The following CDH13 variants were observed in gnomAD, a reference collection of about 807,000 sequenced individuals.
The protein encoded by CDH13 is cadherin 13.
A neutral mutation model predicts 63.8 loss-of-function variants in CDH13; 24 were observed. The observed-to-expected ratio is 0.38, with a 90% CI of 0.27 to 0.53. The LOEUF (loss-of-function observed/expected upper bound fraction) is 0.53. Ranked by LOEUF, CDH13 falls within the 20% of genes least tolerant of loss-of-function variation. The pLI is 0.85. For missense variants in CDH13, 1,049 were observed against 903.1 expected (o/e 1.16, Z -2.07); for synonymous variants, 503 against 355.3 (o/e 1.42, Z -4.67).
At chr16:82,793,044 CT>C (rs1253662309) in intron 1 of CDH13, among the ~76,000 whole-genome samples, 2 of 152,224 alleles carry the variant, frequency 1.3e-5, no homozygotes, top group Non-Finnish European at 2.9e-5. Context: ...CAGTCTGCCC[CT>C]GATGGAGTTA....
chr16:83,502,983 T>C (rs989106965), intron 7 of CDH13, among the ~76,000 whole-genome samples: 3 of 152,208 alleles, frequency 2.0e-5, no homozygotes, highest in Admixed American at 6.5e-5. Context: ...TGGCCTTCCA[T>C]TGGCCCTCAC....
intron 11 of CDH13, among the ~76,000 whole-genome samples, chr16:83,752,154 T>G (rs10514597): frequency 0.023 from 3,533 of 152,328 alleles, 92 homozygotes; most frequent in East Asian, 0.14. Flanking sequence ...TATCTGTATC[T>G]GTGGAGAAAT....
At chr16:83,394,655 C>T (rs529248180) in intron 6 of CDH13, among the ~76,000 whole-genome samples, 2 of 152,280 alleles carry the variant, frequency 1.3e-5, no homozygotes, top group Admixed American at 1.3e-4. Flanking sequence ...TTTATAGGAC[C>T]TCCCTTGCTA....
intron 7 of CDH13, among the ~76,000 whole-genome samples, chr16:83,521,245 C>G: frequency 6.6e-6 from 1 of 152,112 alleles, no homozygotes; most frequent in Admixed American, 6.5e-5. Context: ...TTTCTTCCAG[C>G]TTTAAGGCTT....
intron 10 of CDH13, among the ~76,000 whole-genome samples, chr16:83,734,790 T>G (rs1414570732): frequency 6.6e-6 from 1 of 150,704 alleles, no homozygotes; most frequent in African/African-American, 2.4e-5. Flanking sequence ...GAAGAGAAGT[T>G]GGTCAGTAGG....
intron 2 of CDH13, among the ~76,000 whole-genome samples, chr16:82,897,092 A>G (rs1250824902): frequency 6.6e-6 from 1 of 152,108 alleles, no homozygotes; most frequent in African/African-American, 2.4e-5. Flanking sequence ...ACTGCTGTGC[A>G]ATTCTAAAGA....
At chr16:83,309,383 CT>C (rs144221361) in intron 5 of CDH13, among the ~76,000 whole-genome samples, 15 of 149,840 alleles carry the variant, frequency 1.0e-4, no homozygotes, top group African/African-American at 2.7e-4. Flanking sequence ...TCTCTCCCTT[CT>C]TTTTTTTTTG....
At chr16:83,032,957 A>T (rs573998545) in intron 3 of CDH13, among the ~76,000 whole-genome samples, 11 of 152,300 alleles carry the variant, frequency 7.2e-5, no homozygotes, top group African/African-American at 2.6e-4. Flanking sequence ...TATACGGTGT[A>T]TGTGTATGTG....
At chr16:82,727,927 G>A (rs760855101) in intron 1 of CDH13, among the ~76,000 whole-genome samples, 11 of 152,144 alleles carry the variant, frequency 7.2e-5, no homozygotes, top group Non-Finnish European at 1.0e-4. Context: ...TCTGGACACA[G>A]CCCTGTGTCT....
intron 1 of CDH13, among the ~76,000 whole-genome samples, chr16:82,697,780 TGTGTGTG>T (rs1567638855): frequency 0.045 from 5,192 of 115,162 alleles, 168 homozygotes; most frequent in African/African-American, 0.095. Flanking sequence ...TGTGTGTGTG[TGTGTGTG>T]TAAGTTTTTT....
intron 1 of CDH13, among the ~76,000 whole-genome samples, chr16:82,837,712 G>C (rs1175353907): frequency 6.6e-6 from 1 of 152,166 alleles, no homozygotes; most frequent in East Asian, 1.9e-4. Context: ...CTCAGTGCCC[G>C]AGTTTTTACT....
chr16:83,418,160 C>T (rs1245546089), intron 6 of CDH13, among the ~76,000 whole-genome samples: 1 of 152,148 alleles, frequency 6.6e-6, no homozygotes, highest in African/African-American at 2.4e-5. Context: ...AGCAAGTTGC[C>T]TCGTCTTACT....
intron 6 of CDH13, among the ~76,000 whole-genome samples, chr16:83,483,426 A>G (rs1212047204): frequency 1.3e-5 from 2 of 151,536 alleles, no homozygotes; most frequent in Non-Finnish European, 2.9e-5. Flanking sequence ...TCCTCAGTGA[A>G]TTTCCTGATG....
intron 2 of CDH13, among the ~76,000 whole-genome samples, chr16:82,941,342 C>T (rs1904284281): frequency 6.6e-6 from 1 of 152,176 alleles, no homozygotes; most frequent in East Asian, 1.9e-4. Flanking sequence ...GACCAAAACC[C>T]TGTTCTGTGC....
chr16:83,668,292 C>A (rs1217560778), intron 8 of CDH13, among the ~76,000 whole-genome samples: 3 of 152,182 alleles, frequency 2.0e-5, no homozygotes, highest in Non-Finnish European at 4.4e-5. Context: ...TAGCACCATG[C>A]AAGAGACTGG....
At chr16:83,728,342 C>CGTGTGTGTGTGTGT (rs145865689) in intron 10 of CDH13, among the ~76,000 whole-genome samples, 11,492 of 149,170 alleles carry the variant, frequency 0.077, 499 homozygotes, top group Middle Eastern at 0.11. Context: ...TATGTGTGTG[C>CGTGTGTGTGTGTGT]GTGTGTGTGT....
At chr16:83,157,130 G>T (rs2037239877) in intron 4 of CDH13, among the ~76,000 whole-genome samples, 1 of 152,200 alleles carries the variant, frequency 6.6e-6, no homozygotes, top group Non-Finnish European at 1.5e-5. Flanking sequence ...TGGTTCAGTA[G>T]ATTGTCTCAG....
rs74882868 is a variant in CDH13 at position 83,563,327 on chromosome 16, A to T, written c.961-39127A>T. 5.3e-3 allele frequency among the ~76,000 whole-genome samples: 802 copies of T among 152,352 alleles called. 11 individuals carry two copies. The highest frequency in any genetic ancestry group is 0.018 in the African/African-American group (766 of 41,574). On this transcript the variant is annotated intron_variant, in intron 7 of 13. Coordinates refer to ENST00000567109, the MANE Select transcript of CDH13 (RefSeq NM_001257.5). ...GATTTTAAGCAGTCATGGAACCAGG[A>T]TGGACTCCTGAGATGGACAACTGCA...
intron 7 of CDH13, among the ~76,000 whole-genome samples, chr16:83,566,571 C>A (rs979476370): frequency 6.6e-6 from 1 of 152,120 alleles, no homozygotes; most frequent in Non-Finnish European, 1.5e-5. Flanking sequence ...TTTTGTGCTT[C>A]CTGTTCCCTG....
Sources: gnomAD v4.1 joint callset for allele counts (sites outside exome capture counted in the v4.1 genomes callset) on GRCh38, gnomAD v4.1.1 for gene constraint, MANE v1.5 for transcripts, NCBI Gene and HGNC (gene_info 2026-07-23, HGNC 2026-07-21) for gene names.